The following PPP2R2B variants were observed in gnomAD, a reference collection of about 807,000 sequenced individuals.
PPP2R2B encodes the protein serine/threonine-protein phosphatase 2A 55 kDa regulatory subunit B beta isoform.
PPP2R2B carries 5 observed loss-of-function variants against 46.0 expected under a neutral mutation model. That is an observed-to-expected ratio of 0.11 (90% CI 0.06 to 0.23). The LOEUF is 0.23. PPP2R2B is among the 10% of genes least tolerant of loss of function. The pLI is 1.00. For missense variants in PPP2R2B, 367 were observed against 575.0 expected (o/e 0.64, Z 3.70); for synonymous variants, 215 against 206.7 (o/e 1.04, Z -0.34).
At chr5:146,795,218 T>C (rs1756450377) in intron 2 of PPP2R2B, among the ~76,000 whole-genome samples, 1 of 152,092 alleles carries the variant, frequency 6.6e-6, no homozygotes, top group Non-Finnish European at 1.5e-5. Context: ...AAAATCACTA[T>C]CTTGAAGAGA....
intron 2 of PPP2R2B, among the ~76,000 whole-genome samples, chr5:146,756,181 C>T (rs892452595): frequency 3.9e-5 from 6 of 152,002 alleles, no homozygotes; most frequent in African/African-American, 4.8e-5. Context: ...TAACATAAGC[C>T]GCTGTTCCAT....
chr5:146,875,122 C>A (rs1761824023), intron 2 of PPP2R2B, among the ~76,000 whole-genome samples: 1 of 152,168 alleles, frequency 6.6e-6, no homozygotes, highest in African/African-American at 2.4e-5. Context: ...TGACTTTTGG[C>A]AAATTAGTAA....
chr5:146,637,419 G>A (rs143509525), intron 7 of PPP2R2B, among the ~76,000 whole-genome samples: 81 of 152,164 alleles, frequency 5.3e-4, no homozygotes, highest in African/African-American at 1.9e-3. Context: ...CCCCTTCCCC[G>A]AAACAAAAAT....
intron 2 of PPP2R2B, among the ~76,000 whole-genome samples, chr5:146,844,639 A>G (rs1269026968): frequency 6.6e-6 from 1 of 152,226 alleles, no homozygotes; most frequent in African/African-American, 2.4e-5. Context: ...TTAAGATTCC[A>G]TGCAGAAAGC....
At chr5:147,062,862 C>A (rs530003154) in intron 2 of PPP2R2B, among the ~76,000 whole-genome samples, 1 of 151,566 alleles carries the variant, frequency 6.6e-6, no homozygotes, top group African/African-American at 2.4e-5. Context: ...CTATCAATGC[C>A]TCCAGAGATC....
At chr5:146,958,295 T>C (rs894429527) in intron 1 of PPP2R2B, among the ~76,000 whole-genome samples, 1 of 152,118 alleles carries the variant, frequency 6.6e-6, no homozygotes, top group South Asian at 2.1e-4. Flanking sequence ...TATTGAATTG[T>C]CTTGATTTTC....
intron 2 of PPP2R2B, among the ~76,000 whole-genome samples, chr5:146,867,820 C>G (rs989340007): frequency 6.6e-6 from 1 of 152,200 alleles, no homozygotes; most frequent in African/African-American, 2.4e-5. Context: ...TCACCATATG[C>G]CCCAGAACTT....
chr5:146,770,127 G>A (rs372947421), intron 2 of PPP2R2B, among the ~76,000 whole-genome samples: 8 of 151,848 alleles, frequency 5.3e-5, no homozygotes, highest in East Asian at 1.9e-4. Context: ...TCAGCAGTTC[G>A]AGACCAGCCT....
intron 2 of PPP2R2B, among the ~76,000 whole-genome samples, chr5:146,734,285 G>A (rs539031183): frequency 1.3e-5 from 2 of 151,946 alleles, no homozygotes; most frequent in Non-Finnish European, 2.9e-5. Context: ...TTGAACTCCC[G>A]GGCTCAAGAA....
chr5:146,985,364 A>G (rs1753379337), intron 1 of PPP2R2B, among the ~76,000 whole-genome samples: 1 of 152,080 alleles, frequency 6.6e-6, no homozygotes, highest in Admixed American at 6.5e-5. Context: ...GTCTCTTTAC[A>G]TGGTTAGTTG....
chr5:146,812,559 GTA>G (rs756797458), intron 2 of PPP2R2B, among the ~76,000 whole-genome samples: 109 of 1,842 alleles, frequency 0.059, 20 homozygotes, highest in African/African-American at 0.071. Flanking sequence ...CCTCAGAAGA[GTA>G]TATATATATA....
chr5:146,744,527 A>G (rs1753060054), intron 2 of PPP2R2B, among the ~76,000 whole-genome samples: 1 of 152,216 alleles, frequency 6.6e-6, no homozygotes, highest in African/African-American at 2.4e-5. Context: ...CTGCCCTTCC[A>G]GCAGTGAGAA....
intron 1 of PPP2R2B, among the ~76,000 whole-genome samples, chr5:146,931,391 G>A (rs1763965438): frequency 6.6e-6 from 1 of 152,020 alleles, no homozygotes; most frequent in Admixed American, 6.6e-5. Context: ...GGCCTTCTTG[G>A]AACTGTCCGG....
At chr5:146,904,139 A>G (rs1334514581) in intron 1 of PPP2R2B, among the ~76,000 whole-genome samples, 1 of 152,120 alleles carries the variant, frequency 6.6e-6, no homozygotes, top group Non-Finnish European at 1.5e-5. Flanking sequence ...CTCCTATAGA[A>G]CCAGAAAGAC....
intron 1 of PPP2R2B, among the ~76,000 whole-genome samples, chr5:146,909,241 AT>A (rs1763102053): frequency 1.3e-5 from 2 of 152,138 alleles, no homozygotes; most frequent in Admixed American, 1.3e-4. Flanking sequence ...AGACCATGAC[AT>A]TCCCCCACAC....
chr5:146,695,758 T>C (rs1420677709), intron 4 of PPP2R2B, among the ~76,000 whole-genome samples: 3 of 152,220 alleles, frequency 2.0e-5, no homozygotes, highest in Non-Finnish European at 4.4e-5. Flanking sequence ...TGGCAGCTTT[T>C]AAACACAATC....
At chr5:147,018,336 T>C (rs1324721187) in intron 1 of PPP2R2B, among the ~76,000 whole-genome samples, 1 of 152,136 alleles carries the variant, frequency 6.6e-6, no homozygotes, top group Non-Finnish European at 1.5e-5. Flanking sequence ...AAGGCAGTAT[T>C]TTCCTGTCTT....
chr5:147,011,761 T>G (rs1312248126), intron 1 of PPP2R2B, among the ~76,000 whole-genome samples: 2 of 148,938 alleles, frequency 1.3e-5, no homozygotes, highest in African/African-American at 2.5e-5. Flanking sequence ...CATCAATACC[T>G]AATTTATTGA....
chr5:146,595,384 C>A (rs1240526663), intron 8 of PPP2R2B, among the ~76,000 whole-genome samples: 1 of 152,228 alleles, frequency 6.6e-6, no homozygotes, highest in South Asian at 2.1e-4. Flanking sequence ...CTTTCCTCAT[C>A]TGTCACCATT....
Sources: allele counts gnomAD v4.1 joint callset (sites outside exome capture counted in the v4.1 genomes callset), GRCh38; gene constraint gnomAD v4.1.1; transcripts MANE v1.5; gene names NCBI Gene and HGNC (gene_info 2026-07-23, HGNC 2026-07-21).